The following ARL15 variants were observed in gnomAD, a reference collection of about 807,000 sequenced individuals.
The protein encoded by ARL15 is ADP-ribosylation factor-like protein 15.
A neutral mutation model predicts 25.2 loss-of-function variants in ARL15; 19 were observed. The ratio of observed to expected loss-of-function variants is 0.75; its 90% CI spans 0.53 to 1.10. The LOEUF is 1.10. Ranked by LOEUF, ARL15 falls within the 50% of genes least tolerant of loss-of-function variation. The probability of loss-of-function intolerance (pLI) is 0.00; values close to 1 mark genes in which losing one functional copy is unlikely to be tolerated. For missense variants in ARL15, 220 were observed against 246.0 expected (o/e 0.89, Z 0.71); for synonymous variants, 94 against 86.8 (o/e 1.08, Z -0.46).
chr5:53,968,126 T>C (rs1256811375), intron 4 of ARL15, among the ~76,000 whole-genome samples: 1 of 152,138 alleles, frequency 6.6e-6, no homozygotes. Flanking sequence ...AGACTTCTGG[T>C]TTCGTCTCTT....
At chr5:54,298,443 G>A (rs530725282) in intron 1 of ARL15, among the ~76,000 whole-genome samples, 63 of 152,178 alleles carry the variant, frequency 4.1e-4, no homozygotes, top group African/African-American at 1.4e-3. Context: ...AGTTAAAACC[G>A]CTACCTGACC....
chr5:53,994,245 T>C (rs1748597777), intron 4 of ARL15, among the ~76,000 whole-genome samples: 1 of 152,164 alleles, frequency 6.6e-6, no homozygotes, highest in Non-Finnish European at 1.5e-5. Context: ...CTAGAAGCCT[T>C]CTCCAGTGCC....
intron 4 of ARL15, among the ~76,000 whole-genome samples, chr5:53,912,584 A>G (rs1745499134): frequency 6.6e-6 from 1 of 152,140 alleles, no homozygotes; most frequent in African/African-American, 2.4e-5. Context: ...ATGTTTTTAT[A>G]TTTCTCCACC....
intron 1 of ARL15, among the ~76,000 whole-genome samples, chr5:54,225,680 G>C (rs1756499120): frequency 6.6e-6 from 1 of 152,136 alleles, no homozygotes. Context: ...GGAGGTGGCA[G>C]AGTTCATTCA....
rs1160447305 is a variant in ARL15 at position 54,113,242 on chromosome 5, G to A, written c.422C>T (p.Ala141Val). 1.2e-6 allele frequency: 2 copies of A among 1,613,762 alleles called. No homozygotes were observed. The highest frequency in any genetic ancestry group is 3.3e-5 in the Admixed American group (2 of 60,022). ...AGCTGCTGGCTTGTCTTGATGATTG[G>A]CCAATATTAAAAAGGGTAAAGTGCA... Reference protein sequence around the residue: ...QLCTLPFLILANHQDKPAARS... With the variant: ...QLCTLPFLILVNHQDKPAARS... Residue 141 changes from alanine (A) to valine (V), a missense_variant, in exon 4 of 5, where the codon GCC (alanine) becomes GTC (valine). Physicochemically the swap from Ala to Val is moderately conservative, Grantham distance 64. Transcript: ENST00000504924.
chr5:53,986,366 C>T (rs1201469120), intron 4 of ARL15, among the ~76,000 whole-genome samples: 1 of 152,108 alleles, frequency 6.6e-6, no homozygotes, highest in Non-Finnish European at 1.5e-5. Context: ...ATTTATTTTT[C>T]AATTTTGACC....
intron 4 of ARL15, among the ~76,000 whole-genome samples, chr5:54,054,067 A>T (rs1014784538): frequency 1.3e-5 from 2 of 152,174 alleles, no homozygotes; most frequent in African/African-American, 4.8e-5. Context: ...ATTTAATAAT[A>T]AATAACTAGC....
At chr5:54,254,622 C>T (rs7733332) in intron 1 of ARL15, among the ~76,000 whole-genome samples, 21,685 of 152,180 alleles carry the variant, frequency 0.14, 2,795 homozygotes, top group African/African-American at 0.34. Flanking sequence ...CCTTTCAATT[C>T]CCTAGCACCT....
chr5:54,235,873 G>C (rs961114539), intron 1 of ARL15, among the ~76,000 whole-genome samples: 16 of 152,150 alleles, frequency 1.1e-4, no homozygotes, highest in African/African-American at 3.9e-4. Flanking sequence ...TTAAGATGCT[G>C]TGAGCATTTT....
At chr5:54,154,416 A>T (rs1450124659) in intron 3 of ARL15, 164 bp downstream of exon 3, 2 of 543,206 alleles carry the variant, frequency 3.7e-6, no homozygotes, top group Non-Finnish European at 3.1e-6. Flanking sequence ...AACAATTTTT[A>T]AAACATACGA....
intron 4 of ARL15, among the ~76,000 whole-genome samples, chr5:53,906,730 T>C (rs568691252): frequency 6.6e-6 from 1 of 152,352 alleles, no homozygotes; most frequent in Admixed American, 6.5e-5. Flanking sequence ...ATGGTTTTTA[T>C]GAAATATTAT....
chr5:54,168,509 A>G (rs978181563), intron 2 of ARL15, among the ~76,000 whole-genome samples: 2 of 151,922 alleles, frequency 1.3e-5, no homozygotes, highest in African/African-American at 4.8e-5. Context: ...TCACTTTTAC[A>G]GTAGCAGTAA....
At chr5:54,218,335 G>A (rs1306568949) in intron 1 of ARL15, among the ~76,000 whole-genome samples, 2 of 152,092 alleles carry the variant, frequency 1.3e-5, no homozygotes, top group African/African-American at 2.4e-5. Flanking sequence ...ACATCCAGCC[G>A]AGAAGACGGC....
intron 3 of ARL15, among the ~76,000 whole-genome samples, chr5:54,127,706 A>G (rs561817819): frequency 1.5e-3 from 231 of 151,786 alleles, no homozygotes; most frequent in Middle Eastern, 0.01. Flanking sequence ...AGCCCGCATC[A>G]CCAAGTCAAT....
intron 4 of ARL15, among the ~76,000 whole-genome samples, chr5:54,102,698 T>C (rs1752476268): frequency 1.3e-5 from 2 of 152,178 alleles, no homozygotes. Context: ...CTTATTTTCA[T>C]TGCATTATTT....
intron 1 of ARL15, among the ~76,000 whole-genome samples, chr5:54,249,808 C>T (rs567024084): frequency 6.6e-5 from 10 of 152,064 alleles, no homozygotes; most frequent in African/African-American, 2.2e-4. Context: ...TAATCAGTAT[C>T]AAAGCCAGCC....
chr5:54,300,028 G>A (rs1758574793), intron 1 of ARL15, among the ~76,000 whole-genome samples: 1 of 152,030 alleles, frequency 6.6e-6, no homozygotes, highest in Non-Finnish European at 1.5e-5. Flanking sequence ...CACCAAACCT[G>A]CTATTTCTTC....
At chr5:53,926,937 G>T (rs113745941) in intron 4 of ARL15, among the ~76,000 whole-genome samples, 7,159 of 149,422 alleles carry the variant, frequency 0.048, 217 homozygotes, top group Admixed American at 0.075. Flanking sequence ...CAGTCACCAA[G>T]ACCTTTTTTT....
In ARL15 at chr5:54,155,350, A is replaced by T. The variant is rs1176819721; in HGVS notation, c.194-711T>A. The stretch of plus-strand genomic sequence containing the variant: ...CTTTAATTCTTAAAGTTAATGTCTT[A>T]TAATTCTTTCTCACATATAACTCAG... On this transcript the variant is annotated intron_variant, in intron 2 of 4. Coordinates refer to ENST00000504924, the MANE Select transcript of ARL15 (RefSeq NM_019087.3). Among the ~76,000 whole-genome samples the T allele has an allele frequency of 1.3e-5, 2 of 152,216 alleles. 1 individual carries two copies. The highest frequency in any genetic ancestry group is 1.3e-4 in the Admixed American group (2 of 15,280).
Sources: allele counts gnomAD v4.1 joint callset (sites outside exome capture counted in the v4.1 genomes callset), GRCh38; gene constraint gnomAD v4.1.1; transcripts MANE v1.5; gene names NCBI Gene and HGNC (gene_info 2026-07-23, HGNC 2026-07-21).